The following CLYBL variants were observed in gnomAD, a reference collection of about 807,000 sequenced individuals.
The protein encoded by CLYBL is citramalyl-CoA lyase, also known as citramalyl-CoA lyase, mitochondrial.
In CLYBL, 31 loss-of-function variants were observed where a neutral mutation model predicts 38.9. The ratio of observed to expected loss-of-function variants is 0.80; its 90% confidence interval spans 0.60 to 1.08. CLYBL has a LOEUF of 1.08. Ranked by LOEUF, CLYBL falls within the 50% of genes least tolerant of loss-of-function variation. The pLI, the probability that CLYBL is intolerant of heterozygous loss-of-function variation, is 0.00. For synonymous variants in CLYBL, 171 were observed against 158.6 expected, an observed-to-expected ratio of 1.08 and a Z score of -0.59; for missense variants, 434 against 411.6, an observed-to-expected ratio of 1.05 and a Z score of -0.47.
chr13:99,633,501 C>G (rs2139241961), intron 1 of CLYBL, among the ~76,000 whole-genome samples: 1 of 147,440 alleles, frequency 6.8e-6, no homozygotes, highest in Admixed American at 6.8e-5. Flanking sequence ...CACCACTGTA[C>G]TCCAGCCTGG....
chr13:99,707,418 C>A (rs1303447548), intron 1 of CLYBL, among the ~76,000 whole-genome samples: 1 of 151,878 alleles, frequency 6.6e-6, no homozygotes, highest in Non-Finnish European at 1.5e-5. Context: ...TACAGTCATG[C>A]GCCACCACGC....
At chr13:99,775,591 C>T (rs534250090) in intron 2 of CLYBL, among the ~76,000 whole-genome samples, 1 of 152,188 alleles carries the variant, frequency 6.6e-6, no homozygotes, top group African/African-American at 2.4e-5. Flanking sequence ...TCACTGCAGC[C>T]TCCAACTCCT....
intron 1 of CLYBL, among the ~76,000 whole-genome samples, chr13:99,753,854 C>T (rs1002545582): frequency 4.0e-5 from 6 of 151,680 alleles, no homozygotes; most frequent in African/African-American, 1.2e-4. Context: ...TTTGGGAGGC[C>T]GAGACGGGCG....
At chr13:99,779,400 A>T (rs936312776) in intron 2 of CLYBL, among the ~76,000 whole-genome samples, 2 of 152,180 alleles carry the variant, frequency 1.3e-5, no homozygotes, top group Admixed American at 1.3e-4. Flanking sequence ...TCGGCCTCCC[A>T]AAGTGCAGGG....
chr13:99,614,785 G>A (rs1009301884), intron 1 of CLYBL, among the ~76,000 whole-genome samples: 2 of 152,068 alleles, frequency 1.3e-5, no homozygotes. Flanking sequence ...GGGGGAGGCC[G>A]GGACCTGAAG....
intron 1 of CLYBL, among the ~76,000 whole-genome samples, chr13:99,663,289 A>G (rs1285199465): frequency 6.6e-6 from 1 of 152,212 alleles, no homozygotes; most frequent in African/African-American, 2.4e-5. Context: ...GTGGGTATAA[A>G]TAATGTTTTC....
At chr13:99,699,911 G>A (rs2048038352) in intron 1 of CLYBL, among the ~76,000 whole-genome samples, 1 of 151,910 alleles carries the variant, frequency 6.6e-6, no homozygotes, top group Admixed American at 6.6e-5. Context: ...AGAATGGCGT[G>A]AACCACGGAG....
chr13:99,679,382 C>T (rs2047700807), intron 1 of CLYBL, among the ~76,000 whole-genome samples: 1 of 151,864 alleles, frequency 6.6e-6, no homozygotes, highest in Admixed American at 6.6e-5. Flanking sequence ...GCCCTGGATA[C>T]ATGTCAGAAA....
intron 1 of CLYBL, among the ~76,000 whole-genome samples, chr13:99,692,736 C>T (rs949893039): frequency 1.1e-4 from 17 of 152,126 alleles, no homozygotes; most frequent in African/African-American, 4.1e-4. Context: ...TCCCTATGCA[C>T]CCCTCTTCCT....
chr13:99,649,289 T>C (rs2047218168), intron 1 of CLYBL, among the ~76,000 whole-genome samples: 1 of 152,232 alleles, frequency 6.6e-6, no homozygotes. Context: ...TTGTTATTCA[T>C]GCCAGCTCGC....
At chr13:99,649,999 C>T (rs1566599116) in intron 1 of CLYBL, among the ~76,000 whole-genome samples, 1 of 152,122 alleles carries the variant, frequency 6.6e-6, no homozygotes, top group Non-Finnish European at 1.5e-5. Context: ...CGCAGTGGCT[C>T]ACACCTGTAA....
intron 1 of CLYBL, among the ~76,000 whole-genome samples, chr13:99,761,135 C>T (rs901266803): frequency 6.6e-5 from 10 of 152,162 alleles, no homozygotes; most frequent in African/African-American, 2.4e-4. Context: ...AGGCAGATCA[C>T]GAGATCAGGA....
At chr13:99,646,883 C>T (rs2047185032) in intron 1 of CLYBL, among the ~76,000 whole-genome samples, 1 of 152,100 alleles carries the variant, frequency 6.6e-6, no homozygotes, top group Non-Finnish European at 1.5e-5. Flanking sequence ...CTAGATCTGC[C>T]TGCTAGCCCT....
intron 1 of CLYBL, among the ~76,000 whole-genome samples, chr13:99,618,098 T>C (rs1240070283): frequency 6.6e-6 from 1 of 152,148 alleles, no homozygotes; most frequent in East Asian, 1.9e-4. Context: ...AGGGACTTGG[T>C]TTATTCCATT....
intron 7 of CLYBL, 59 bp downstream of exon 7, chr13:99,871,121 T>G: frequency 6.3e-7 from 1 of 1,585,288 alleles, no homozygotes; most frequent in Non-Finnish European, 8.7e-7. Context: ...TCGGGAAGAA[T>G]GAAACAAATA....
intron 1 of CLYBL, among the ~76,000 whole-genome samples, chr13:99,666,338 G>A (rs193215830): frequency 2.6e-5 from 4 of 152,266 alleles, no homozygotes; most frequent in Non-Finnish European, 4.4e-5. Flanking sequence ...CCACACCTGA[G>A]TGGCTTTAGG....
chr13:99,711,541 G>C (rs1320006411), intron 1 of CLYBL, among the ~76,000 whole-genome samples: 2 of 151,554 alleles, frequency 1.3e-5, no homozygotes, highest in East Asian at 3.9e-4. Context: ...CAAGTAGCTG[G>C]GATTACAGGC....
rs112848099 is a variant in CLYBL at position 99,613,700 on chromosome 13, A to T, written c.62+6943A>T. Among the ~76,000 whole-genome samples the T allele has an allele frequency of 3.8e-3, 582 of 151,938 alleles. 5 individuals are homozygous for T. Among genetic ancestry groups the T allele is most frequent in the African/African-American group, 0.013 (527 of 41,526 alleles). On this transcript the variant is annotated intron_variant, in intron 1 of 8. Coordinates refer to ENST00000339105, the MANE Select transcript of CLYBL (RefSeq NM_206808.5). Reference sequence around the variant, plus strand: ...AGGAGGCAGGGTAAACATGACTGAGATGGAAAAATGATCACATTAAAAAGA... The same window carrying T: ...AGGAGGCAGGGTAAACATGACTGAGTTGGAAAAATGATCACATTAAAAAGA...
chr13:99,899,805 A>G (rs541414632), downstream of CLYBL, among the ~76,000 whole-genome samples: 126 of 152,352 alleles, frequency 8.3e-4, no homozygotes, highest in African/African-American at 2.4e-3. Context: ...AGTAAAGATC[A>G]AGTGACTTCC....
Sources: allele counts gnomAD v4.1 joint callset (sites outside exome capture counted in the v4.1 genomes callset), GRCh38; gene constraint gnomAD v4.1.1; transcripts MANE v1.5; gene names NCBI Gene and HGNC (gene_info 2026-07-23, HGNC 2026-07-21).